CPXM2: variants seen among roughly 807,000 people sequenced by gnomAD.
The protein encoded by CPXM2 is carboxypeptidase X, M14 family member 2.
CPXM2 carries 66 observed loss-of-function variants against 86.1 expected under a neutral mutation model. That is an observed-to-expected ratio of 0.77 (90% CI 0.63 to 0.94). The LOEUF is 0.94. Among genes scored for constraint, CPXM2 ranks in the 40% least tolerant of loss-of-function variants. The pLI, the probability that CPXM2 is intolerant of heterozygous loss-of-function variation, is 0.00. For synonymous variants in CPXM2, 388 were observed against 400.2 expected (o/e 0.97, Z 0.36); for missense variants, 948 against 1,026.3 (o/e 0.92, Z 1.04).
intron 1 of CPXM2, chr10:123,887,086 A>G (rs1237197781): frequency 6.6e-6 from 1 of 152,242 alleles, no homozygotes; most frequent in African/African-American, 2.4e-5. Flanking sequence ...ACAGCTAAAT[A>G]AATGGAATTA....
chr10:123,942,201 T>C (rs1012508440), upstream of CPXM2, among the ~76,000 whole-genome samples: 2 of 152,188 alleles, frequency 1.3e-5, no homozygotes, highest in Admixed American at 6.5e-5. Context: ...TCTATAGTCA[T>C]GCACGGCATA....
chr10:123,812,387 A>AT (rs1233655378), intron 4 of CPXM2, among the ~76,000 whole-genome samples: 1 of 152,132 alleles, frequency 6.6e-6, no homozygotes, highest in Non-Finnish European at 1.5e-5. Flanking sequence ...CAAGAAAAAT[A>AT]TTTTTTTCAT....
At chr10:123,762,361 G>C (rs10902810) in intron 10 of CPXM2, among the ~76,000 whole-genome samples, 192 bp from the exon 11 acceptor site, 119,794 of 152,094 alleles carry the variant, frequency 0.79, 47,366 homozygotes, top group Non-Finnish European at 0.82. Context: ...AAACGAACAG[G>C]CTTTGTTTGG....
At chr10:123,778,698 T>C (rs1372214354) in intron 7 of CPXM2, among the ~76,000 whole-genome samples, 2 of 152,186 alleles carry the variant, frequency 1.3e-5, no homozygotes, top group Non-Finnish European at 2.9e-5. Flanking sequence ...TTGCACTGAG[T>C]TGATATTTGT....
rs1846491441 is a variant in CPXM2, at chr10:123,766,971, A to G, written c.1479+2T>C. The G allele has an allele frequency of 2.5e-6, 4 of 1,612,324 alleles. No individual in the cohort carries two copies. The highest frequency in any genetic ancestry group is 2.5e-6 in the Non-Finnish European group (3 of 1,178,310). On this transcript the variant is annotated splice_donor_variant, in intron 10 of 13. Coordinates refer to ENST00000241305, the MANE Select transcript of CPXM2 (RefSeq NM_198148.3). LOFTEE classifies it high-confidence loss of function. Reference sequence around the variant, plus strand: ...TTACAGATGACGGGTATTTTGACTCACCGTGGCATTTTCCGACAGAAACCA... The same window carrying G: ...TTACAGATGACGGGTATTTTGACTCGCCGTGGCATTTTCCGACAGAAACCA...
intron 2 of CPXM2, among the ~76,000 whole-genome samples, chr10:123,906,546 T>C (rs1472403476): frequency 6.6e-6 from 1 of 152,214 alleles, no homozygotes; most frequent in East Asian, 1.9e-4. Flanking sequence ...GTGCATGATA[T>C]TGGAATAAAA....
chr10:123,911,555 C>T (rs1187758063), intron 2 of CPXM2, among the ~76,000 whole-genome samples: 7 of 151,544 alleles, frequency 4.6e-5, no homozygotes, highest in African/African-American at 1.7e-4. Context: ...TTCGCACCAA[C>T]CTAATAGCCA....
intron 8 of CPXM2, among the ~76,000 whole-genome samples, chr10:123,770,277 A>AAAAC (rs541321180): frequency 2.4e-4 from 36 of 152,318 alleles, no homozygotes; most frequent in Middle Eastern, 6.8e-3. Context: ...TCCATCTCAA[A>AAAAC]AAACAAACAA....
chr10:123,910,185 C>G (rs938557039), intron 2 of CPXM2, among the ~76,000 whole-genome samples: 14 of 152,180 alleles, frequency 9.2e-5, no homozygotes, highest in Non-Finnish European at 1.6e-4. Context: ...GCACACCTGC[C>G]TCATCTCCCG....
Position 123,799,291 on chromosome 10 carries a change from A to G in CPXM2, c.654-92T>C, listed in dbSNP as rs1336101089. The G allele has an allele frequency of 5.4e-6, 8 of 1,491,024 alleles. No homozygotes were observed. In the East Asian group the frequency reaches 1.6e-4, roughly 30 times the overall value. 92.4% of individuals were successfully genotyped at this position (1,491,024 alleles called of 1,614,324 possible). A position where few individuals can be genotyped will look rare whatever the true frequency, so the allele number is the denominator to read the frequency against. ...TAGAAGTGAGGAGAGCAGGTGCCAGAGGCAGATGGCACTGGGTCAAACCCT... is the reference window on the plus strand; with the variant it reads ...TAGAAGTGAGGAGAGCAGGTGCCAGGGGCAGATGGCACTGGGTCAAACCCT... On this transcript the variant is annotated intron_variant, in intron 4 of 13. Transcript: ENST00000241305.
intron 13 of CPXM2, among the ~76,000 whole-genome samples, chr10:123,749,583 G>C (rs1846031469): frequency 6.6e-6 from 1 of 152,114 alleles, no homozygotes; most frequent in African/African-American, 2.4e-5. Flanking sequence ...CGAGCCTCTG[G>C]GGTCCCAGTT....
At chr10:123,880,949 A>AC (rs11458889) in intron 1 of CPXM2, among the ~76,000 whole-genome samples, 77,525 of 150,352 alleles carry the variant, frequency 0.52, 21,214 homozygotes, top group African/African-American at 0.66. Context: ...CAGACTTGTG[A>AC]CCCCAGAGCT....
In CPXM2 at chr10:123,850,335, C is replaced by T. The variant is rs571408821; in HGVS notation, c.514-7847G>A. Among the ~76,000 whole-genome samples the T allele has an allele frequency of 1.7e-4, 26 of 152,242 alleles. 1 individual carries two copies. The highest frequency in any genetic ancestry group is 4.6e-4 in the African/African-American group (19 of 41,538). On this transcript the variant is annotated intron_variant, in intron 3 of 13. Coordinates refer to ENST00000241305, the MANE Select transcript of CPXM2 (RefSeq NM_198148.3). ...TCAACTTTAATAAATACAATAGTCC[C>T]CCGTTATCTGTGGTTTCTCTTTCCA...
chr10:123,764,426 T>C (rs969812788), intron 10 of CPXM2, among the ~76,000 whole-genome samples: 7 of 150,898 alleles, frequency 4.6e-5, no homozygotes, highest in Non-Finnish European at 1.0e-4. Flanking sequence ...AATCACTTCA[T>C]ATTATTTCTT....
chr10:123,878,792 C>A (rs1232405436), intron 2 of CPXM2, among the ~76,000 whole-genome samples: 1 of 152,110 alleles, frequency 6.6e-6, no homozygotes, highest in Non-Finnish European at 1.5e-5. Context: ...CCCAGGGAGG[C>A]AAGACCAACT....
intron 2 of CPXM2, among the ~76,000 whole-genome samples, chr10:123,938,641 T>C (rs1945745309): frequency 1.3e-5 from 2 of 152,172 alleles, no homozygotes; most frequent in African/African-American, 4.8e-5. Flanking sequence ...ACAGGGTCAC[T>C]GTGACAGATG....
rs1186198604 is a variant in CPXM2, at chr10:123,865,453, G to T, written c.404-2730C>A. On this transcript the variant is annotated intron_variant, in intron 2 of 13. Transcript: ENST00000241305. The surrounding 1 kb of genome is among the most constrained non-coding windows in gnomAD (Gnocchi z 4.7). ...AATCCCTAGAGAAATGAGAGGGATG[G>T]CAGAAAGTGAGAAGGACAGAGGCGG... is the stretch of plus-strand genomic sequence containing the variant. 6.6e-6 allele frequency among the ~76,000 whole-genome samples: 1 copy of T among 152,190 alleles called. No homozygotes were observed. The highest frequency in any genetic ancestry group is 1.5e-5 in the Non-Finnish European group (1 of 68,028).
chr10:123,889,099 G>C (rs1263233915), intron 1 of CPXM2, among the ~76,000 whole-genome samples: 1 of 152,182 alleles, frequency 6.6e-6, no homozygotes, highest in Non-Finnish European at 1.5e-5. Flanking sequence ...CCCATTCCAA[G>C]AGTGGCAAGA....
chr10:123,914,648 C>A (rs556084686), intron 2 of CPXM2, among the ~76,000 whole-genome samples: 30 of 152,308 alleles, frequency 2.0e-4, no homozygotes, highest in African/African-American at 7.0e-4. Context: ...GGCACCCGGG[C>A]CCTAAATGCT....
Sources: allele counts gnomAD v4.1 joint callset (sites outside exome capture counted in the v4.1 genomes callset), GRCh38; gene constraint gnomAD v4.1.1; non-coding constraint Gnocchi (gnomAD v3.1); transcripts MANE v1.5; gene names NCBI Gene and HGNC (gene_info 2026-07-23, HGNC 2026-07-21).